Variants in HECW1 observed in about 807,000 individuals in gnomAD.
The protein encoded by HECW1 is E3 ubiquitin-protein ligase HECW1.
HECW1 carries 61 observed loss-of-function variants against 182.3 expected under a neutral mutation model. That is an observed-to-expected ratio of 0.33 (90% CI 0.27 to 0.41). HECW1 has a LOEUF of 0.41. Among genes scored for constraint, HECW1 ranks in the 10% least tolerant of loss-of-function variants. The pLI, the probability that HECW1 is intolerant of heterozygous loss-of-function variation, is 1.00. For synonymous variants in HECW1, 859 were observed against 832.6 expected (o/e 1.03, Z -0.55); for missense variants, 1,739 against 2,108.9 (o/e 0.82, Z 3.44).
chr7:43,459,146 A>G (rs1214502379), intron 13 of HECW1, among the ~76,000 whole-genome samples: 2 of 152,118 alleles, frequency 1.3e-5, no homozygotes, highest in Non-Finnish European at 2.9e-5. Flanking sequence ...GTCGTGCCCC[A>G]GGAAGCCGTC....
chr7:43,278,428 C>G (rs554195388), intron 3 of HECW1, among the ~76,000 whole-genome samples: 1 of 152,266 alleles, frequency 6.6e-6, no homozygotes, highest in East Asian at 1.9e-4. Flanking sequence ...GCAGCTCCCC[C>G]ATCACTGCAG....
chr7:43,526,658 ATAAT>A (rs2080767846), intron 24 of HECW1, among the ~76,000 whole-genome samples: 1 of 152,232 alleles, frequency 6.6e-6, no homozygotes, highest in African/African-American at 2.4e-5. Context: ...TGCAGCTCAA[ATAAT>A]TAAGGCTTCT....
At chr7:43,335,524 C>G (rs377006312) in intron 5 of HECW1, among the ~76,000 whole-genome samples, 2 of 152,230 alleles carry the variant, frequency 1.3e-5, no homozygotes, top group African/African-American at 4.8e-5. Flanking sequence ...TAGCAGAAAC[C>G]TGATCCACCA....
chr7:43,384,398 G>A (rs1051818362), intron 6 of HECW1, among the ~76,000 whole-genome samples: 2 of 152,228 alleles, frequency 1.3e-5, no homozygotes, highest in African/African-American at 4.8e-5. Context: ...TGTGGCAGCT[G>A]CTGCAGGAAG....
intron 5 of HECW1, among the ~76,000 whole-genome samples, chr7:43,339,913 G>T (rs1812747733): frequency 6.6e-6 from 1 of 151,942 alleles, no homozygotes; most frequent in Non-Finnish European, 1.5e-5. Context: ...ATGTTTTCAT[G>T]ATTAGATTTT....
At chr7:43,506,501 A>T (rs1205283494) in intron 21 of HECW1, among the ~76,000 whole-genome samples, 9 of 152,224 alleles carry the variant, frequency 5.9e-5, no homozygotes, top group African/African-American at 2.2e-4. Context: ...ATACTTTAGT[A>T]TATTATTTCT....
chr7:43,442,205 C>T (rs970288115), intron 9 of HECW1, among the ~76,000 whole-genome samples: 32 of 152,212 alleles, frequency 2.1e-4, no homozygotes, highest in Non-Finnish European at 4.4e-4. Context: ...CATGATTTTG[C>T]ATACTTGTAG....
intron 2 of HECW1, among the ~76,000 whole-genome samples, chr7:43,169,765 T>G (rs1791494489): frequency 6.8e-6 from 1 of 147,812 alleles, no homozygotes; most frequent in Non-Finnish European, 1.5e-5. Flanking sequence ...CTCGGCTCAC[T>G]GCAAGCTTCG....
In HECW1 at chr7:43,399,488, A is replaced by C. The variant is rs566202962; in HGVS notation, c.631+2599A>C. 2.0e-5 allele frequency among the ~76,000 whole-genome samples: 3 copies of C among 152,378 alleles called. No homozygotes were observed. The South Asian group carries it at 6.2e-4, about 32-fold the overall frequency. Reference sequence around the variant, plus strand: ...GAATACTGCACAACTATGTGCCAGAAACCAAGAGGAATTGTCACTAACCAA... The same window carrying C: ...GAATACTGCACAACTATGTGCCAGACACCAAGAGGAATTGTCACTAACCAA... On this transcript the variant is annotated intron_variant, in intron 7 of 29. Transcript: ENST00000395891.
intron 6 of HECW1, among the ~76,000 whole-genome samples, chr7:43,389,431 T>C (rs1195066697): frequency 6.6e-6 from 1 of 152,208 alleles, no homozygotes; most frequent in Non-Finnish European, 1.5e-5. Flanking sequence ...GCCACTCAAT[T>C]ATTTTTTAGG....
In HECW1 at chr7:43,480,611, TTG is replaced by T. The variant is rs33990930; in HGVS notation, c.3234+878_3234+879del. ...TATATGTGTATGTAGGTGAGTGAGTTTGTGTGTGTGTGCGTGTGTGTGTGTGT... is the reference window on the plus strand; with the variant it reads ...TATATGTGTATGTAGGTGAGTGAGTTTGTGTGTGTGCGTGTGTGTGTGTGT... On this transcript the variant is annotated intron_variant, in intron 17 of 29. Coordinates refer to ENST00000395891, the MANE Select transcript of HECW1 (RefSeq NM_015052.5). 2.8e-3 allele frequency among the ~76,000 whole-genome samples: 429 copies of T among 151,054 alleles called. 6 individuals carry two copies. In the East Asian group the frequency reaches 0.034, roughly 12 times the overall value.
At chr7:43,202,539 T>C (rs1795100153) in intron 2 of HECW1, among the ~76,000 whole-genome samples, 1 of 151,490 alleles carries the variant, frequency 6.6e-6, no homozygotes, top group South Asian at 2.1e-4. Flanking sequence ...AGTGGTGCAA[T>C]CTCGGCTCAC....
At chr7:43,490,611 A>G (rs772054362) in intron 17 of HECW1, among the ~76,000 whole-genome samples, 139 of 152,284 alleles carry the variant, frequency 9.1e-4, no homozygotes, top group Non-Finnish European at 1.6e-3. Flanking sequence ...AAAAAACAAA[A>G]TGTATGTAGA....
At chr7:43,463,857 G>A in intron 14 of HECW1, 58 bp downstream of exon 14, 1 of 1,582,036 alleles carries the variant, frequency 6.3e-7, no homozygotes, top group Non-Finnish European at 8.6e-7. Flanking sequence ...TGTGACAGAG[G>A]GCTACAAGCC....
intron 2 of HECW1, among the ~76,000 whole-genome samples, chr7:43,165,468 C>G (rs1193397958): frequency 6.6e-6 from 1 of 151,894 alleles, no homozygotes; most frequent in Non-Finnish European, 1.5e-5. Context: ...CTAATGACAT[C>G]AAAGGTCATT....
chr7:43,443,455 C>G (rs537436633), intron 10 of HECW1, among the ~76,000 whole-genome samples: 75 of 152,318 alleles, frequency 4.9e-4, no homozygotes, highest in African/African-American at 1.7e-3. Context: ...CTGACTCTTC[C>G]TTTGGTGTAG....
intron 2 of HECW1, among the ~76,000 whole-genome samples, chr7:43,227,945 C>A (rs1797573533): frequency 6.6e-6 from 1 of 152,134 alleles, no homozygotes; most frequent in African/African-American, 2.4e-5. Flanking sequence ...AAATAAATTA[C>A]AAATGGATCT....
At chr7:43,306,692 T>G (rs911433852) in intron 3 of HECW1, among the ~76,000 whole-genome samples, 1 of 152,172 alleles carries the variant, frequency 6.6e-6, no homozygotes, top group South Asian at 2.1e-4. Flanking sequence ...GAGATGGCAC[T>G]CACTCACGGC....
At chr7:43,182,141 A>T (rs1792930886) in intron 2 of HECW1, among the ~76,000 whole-genome samples, 1 of 152,086 alleles carries the variant, frequency 6.6e-6, no homozygotes, top group African/African-American at 2.4e-5. Context: ...GCTGTGTGGA[A>T]GTGTTTTCAT....
Sources: allele counts gnomAD v4.1 joint callset (sites outside exome capture counted in the v4.1 genomes callset), GRCh38; gene constraint gnomAD v4.1.1; transcripts MANE v1.5; gene names NCBI Gene and HGNC (gene_info 2026-07-23, HGNC 2026-07-21).